The following EPHA3 variants were observed in gnomAD, a reference collection of about 807,000 sequenced individuals.
EPHA3 encodes EPH receptor A3, also known as ephrin type-A receptor 3.
Under a neutral mutation model 107.1 loss-of-function variants are expected in EPHA3, and 42 were observed. That is an observed-to-expected ratio of 0.39 (90% CI 0.31 to 0.51). The LOEUF (loss-of-function observed/expected upper bound fraction) is 0.51, where lower values mean the gene tolerates loss of function less well. Ranked by LOEUF, EPHA3 falls within the 20% of genes least tolerant of loss-of-function variation. EPHA3 has a pLI of 0.78. For synonymous variants in EPHA3, 461 were observed against 424.8 expected (o/e 1.09, Z -1.05); for missense variants, 1,183 against 1,211.2 (o/e 0.98, Z 0.35).
intron 1 of EPHA3, 83 bp from the exon 2 acceptor site, chr3:89,127,126 C>G: frequency 9.5e-7 from 1 of 1,050,732 alleles, no homozygotes; most frequent in South Asian, 1.3e-5. Flanking sequence ...GCAACATCAA[C>G]AACAGACAAT....
intron 5 of EPHA3, among the ~76,000 whole-genome samples, chr3:89,379,380 C>G (rs1290103921): frequency 6.6e-6 from 1 of 152,154 alleles, no homozygotes; most frequent in Non-Finnish European, 1.5e-5. Context: ...TATAAATATG[C>G]AAACAGACCC....
chr3:89,333,520 C>T (rs935565219), intron 3 of EPHA3, among the ~76,000 whole-genome samples: 1 of 152,148 alleles, frequency 6.6e-6, no homozygotes, highest in African/African-American at 2.4e-5. Flanking sequence ...CATGCCGTCA[C>T]TAACTCGGCA....
At chr3:89,164,884 A>G (rs1705030300) in intron 2 of EPHA3, among the ~76,000 whole-genome samples, 1 of 152,216 alleles carries the variant, frequency 6.6e-6, no homozygotes, top group Non-Finnish European at 1.5e-5. Flanking sequence ...TACATTTAAA[A>G]TGGAGGTGTA....
chr3:89,351,489 C>T (rs1453190189), intron 5 of EPHA3, among the ~76,000 whole-genome samples: 15 of 142,502 alleles, frequency 1.1e-4, no homozygotes, highest in Admixed American at 2.1e-4. Flanking sequence ...GCACGGTGCG[C>T]GCACCCACTG....
At chr3:89,278,201 A>T (rs967108267) in intron 3 of EPHA3, among the ~76,000 whole-genome samples, 5 of 152,052 alleles carry the variant, frequency 3.3e-5, no homozygotes, top group African/African-American at 1.2e-4. Context: ...ATTTTAAAAG[A>T]TTTATTCTTA....
chr3:89,365,895 CG>C (rs1559666372), intron 5 of EPHA3, among the ~76,000 whole-genome samples: 1 of 150,574 alleles, frequency 6.6e-6, no homozygotes, highest in African/African-American at 2.4e-5. Flanking sequence ...TTATAGGTAG[CG>C]GTGCTTGTGT....
chr3:89,139,990 G>A (rs1224660139), intron 2 of EPHA3, among the ~76,000 whole-genome samples: 1 of 151,800 alleles, frequency 6.6e-6, no homozygotes, highest in African/African-American at 2.4e-5. Context: ...TTCTCAGCAG[G>A]TGAAAAATGC....
chr3:89,340,245 T>TA (rs1707487460), intron 3 of EPHA3, among the ~76,000 whole-genome samples: 1 of 152,204 alleles, frequency 6.6e-6, no homozygotes, highest in Non-Finnish European at 1.5e-5. Flanking sequence ...AGCTCTCATC[T>TA]AGTAACAGTT....
At chr3:89,198,902 C>T (rs539063962) in intron 2 of EPHA3, among the ~76,000 whole-genome samples, 1 of 152,262 alleles carries the variant, frequency 6.6e-6, no homozygotes, top group Admixed American at 6.5e-5. Context: ...AAATGTCCAT[C>T]TTAGCACAGT....
At chr3:89,310,301 A>T (rs1706733342) in intron 3 of EPHA3, among the ~76,000 whole-genome samples, 1 of 152,092 alleles carries the variant, frequency 6.6e-6, no homozygotes, top group South Asian at 2.1e-4. Flanking sequence ...TTTAAAGGAA[A>T]AATAGAAATT....
At chr3:89,273,216 T>C (rs1475480618) in intron 3 of EPHA3, among the ~76,000 whole-genome samples, 1 of 151,946 alleles carries the variant, frequency 6.6e-6, no homozygotes, top group Non-Finnish European at 1.5e-5. Flanking sequence ...TCACTTTGCT[T>C]ATTTGTTAAT....
Position 89,204,465 on chromosome 3 carries a change from C to T in EPHA3, c.154-5395C>T, listed in dbSNP as rs114304997. ...TGACTCCTCGGCCACAAATGTAATTCTCTGATTTGACACACCACACACACA... is the reference window on the plus strand; with the variant it reads ...TGACTCCTCGGCCACAAATGTAATTTTCTGATTTGACACACCACACACACA... On this transcript the variant is annotated intron_variant, in intron 2 of 16. Transcript: ENST00000336596. 9.4e-3 allele frequency among the ~76,000 whole-genome samples: 1,361 copies of T among 144,558 alleles called. 11 individuals are homozygous for T. The highest frequency in any genetic ancestry group is 0.026 in the African/African-American group (997 of 37,944). The allele number at this position is 144,558 out of a possible 152,430, so 94.8% of individuals were successfully genotyped here.
intron 5 of EPHA3, among the ~76,000 whole-genome samples, chr3:89,353,314 T>C (rs1178875766): frequency 6.6e-6 from 1 of 151,394 alleles, no homozygotes; most frequent in East Asian, 1.9e-4. Flanking sequence ...AGCGCCAATG[T>C]AGCGAATCGG....
intron 13 of EPHA3, among the ~76,000 whole-genome samples, chr3:89,437,773 C>A (rs1709702697): frequency 6.6e-6 from 1 of 152,098 alleles, no homozygotes; most frequent in Non-Finnish European, 1.5e-5. Context: ...AAAGCACAGA[C>A]TTTTATCTTA....
chr3:89,357,315 A>G (rs1201187835), intron 5 of EPHA3, among the ~76,000 whole-genome samples: 1 of 150,538 alleles, frequency 6.6e-6, no homozygotes, highest in Non-Finnish European at 1.5e-5. Flanking sequence ...GGAAATGCTC[A>G]CTTTTTAATT....
chr3:89,310,412 T>G (rs1706737249), intron 3 of EPHA3, among the ~76,000 whole-genome samples: 1 of 152,048 alleles, frequency 6.6e-6, no homozygotes, highest in Non-Finnish European at 1.5e-5. Flanking sequence ...TACGAATTTT[T>G]GGGGTATATC....
intron 1 of EPHA3, among the ~76,000 whole-genome samples, chr3:89,114,089 G>A (rs960160646): frequency 5.9e-5 from 9 of 152,204 alleles, no homozygotes; most frequent in African/African-American, 2.2e-4. Flanking sequence ...AGGTGAGGAA[G>A]GAGGAGGAAA....
intron 3 of EPHA3, among the ~76,000 whole-genome samples, chr3:89,238,639 T>G (rs1704826467): frequency 1.3e-5 from 2 of 152,216 alleles, no homozygotes; most frequent in African/African-American, 4.8e-5. Context: ...ACGATTTACC[T>G]GTAACCAATG....
At chr3:89,271,874 C>T (rs1705677270) in intron 3 of EPHA3, among the ~76,000 whole-genome samples, 2 of 151,830 alleles carry the variant, frequency 1.3e-5, no homozygotes, top group Non-Finnish European at 2.9e-5. Context: ...GATTTTCTTC[C>T]ACCACTGTCA....
Sources: gnomAD v4.1 joint callset for allele counts (sites outside exome capture counted in the v4.1 genomes callset) on GRCh38, gnomAD v4.1.1 for gene constraint, MANE v1.5 for transcripts, NCBI Gene and HGNC (gene_info 2026-07-23, HGNC 2026-07-21) for gene names.